Variants in BCOR observed in about 807,000 individuals in gnomAD.
The protein encoded by BCOR is BCL-6 corepressor.
A neutral mutation model predicts 86.7 loss-of-function variants in BCOR; 10 were observed. That is an observed-to-expected ratio of 0.12 (90% CI 0.07 to 0.20). The LOEUF is 0.20. BCOR is among the 10% of genes least tolerant of loss of function. The pLI is 1.00. For synonymous variants in BCOR, 611 were observed against 609.0 expected (o/e 1.00, Z -0.05); for missense variants, 1,259 against 1,452.1 (o/e 0.87, Z 2.16).
chrX:40,109,279 C>T (rs1247330948), intron 1 of BCOR, among the ~76,000 whole-genome samples: 4 of 111,574 alleles, frequency 3.6e-5, no homozygotes, highest in African/African-American at 1.3e-4. Flanking sequence ...ACCCCCACCC[C>T]CGCGCGCTCC....
chrX:40,096,468 C>T (rs889660132), intron 1 of BCOR, among the ~76,000 whole-genome samples: 6 of 111,307 alleles, frequency 5.4e-5, no homozygotes, highest in African/African-American at 2.0e-4. Flanking sequence ...ACCTGGCTGG[C>T]GGGCGGGCCA....
chrX:40,105,581 T>G (rs981336492), intron 1 of BCOR, among the ~76,000 whole-genome samples: 4 of 111,796 alleles, frequency 3.6e-5, no homozygotes, highest in Non-Finnish European at 7.6e-5. Flanking sequence ...CGCTCGCAGC[T>G]CCGCAGCTGG....
intron 1 of BCOR, among the ~76,000 whole-genome samples, chrX:40,091,599 G>A (rs771099306): frequency 4.9e-4 from 55 of 113,159 alleles, no homozygotes; most frequent in Non-Finnish European, 9.7e-4. Context: ...CCAACAAAAA[G>A]TAAGATATCC....
At chrX:40,125,360 A>G (rs752388122) in intron 1 of BCOR, among the ~76,000 whole-genome samples, 3 of 111,777 alleles carry the variant, frequency 2.7e-5, no homozygotes, top group South Asian at 7.4e-4. Flanking sequence ...CAGCCTCCCT[A>G]GTAGCTGGGA....
intron 1 of BCOR, among the ~76,000 whole-genome samples, chrX:40,093,202 C>A (rs1936697104): frequency 8.9e-6 from 1 of 112,091 alleles, no homozygotes; most frequent in Non-Finnish European, 1.9e-5. Context: ...ATCTCTTGTT[C>A]CATTTGGGCA....
intron 6 of BCOR, among the ~76,000 whole-genome samples, chrX:40,065,527 C>T (rs1935156741): frequency 8.9e-6 from 1 of 112,390 alleles, no homozygotes; most frequent in Non-Finnish European, 1.9e-5. Context: ...CCGCTCGTTC[C>T]AGGAACCCTG....
rs1349251928 is a variant in BCOR, at chrX:40,062,785, T to C, written c.4134A>G (p.Pro1378=). The change falls in exon 9 of 15, where the codon CCA becomes CCG. Residue 1378 remains proline, a synonymous_variant. Transcript: ENST00000378444. ...TCTCCACGTAGTATTCCCCTGTCAG[T>C]GGCAATCCCCGCCTGGACTCCTGAG... ...LIPQESRRGL[P]LTGEYYVENA... 2 of 1,211,587 alleles carry C rather than the reference T, an allele frequency of 1.7e-6. No homozygotes were observed. The highest frequency in any genetic ancestry group is 2.2e-5 in the Admixed American group (1 of 46,057).
chrX:40,076,923 A>G (rs1348460676), intron 2 of BCOR: 2 of 328,510 alleles, frequency 6.1e-6, no homozygotes, highest in South Asian at 5.3e-5. Context: ...GTGGTAACAC[A>G]GCCAAATACC....
chrX:40,070,629 T>G (rs1472089418), intron 6 of BCOR, among the ~76,000 whole-genome samples: 5 of 111,730 alleles, frequency 4.5e-5, no homozygotes, highest in African/African-American at 9.8e-5. Context: ...ATAAGGACTC[T>G]TCATTCCACA....
intron 6 of BCOR, among the ~76,000 whole-genome samples, chrX:40,069,016 C>T (rs1237928782): frequency 8.9e-6 from 1 of 112,620 alleles, no homozygotes; most frequent in Non-Finnish European, 1.9e-5. Context: ...AAATCCCCAC[C>T]CCAGTTTCCA....
intron 1 of BCOR, among the ~76,000 whole-genome samples, chrX:40,114,646 C>T (rs1036083369): frequency 7.2e-5 from 8 of 111,202 alleles, no homozygotes; most frequent in Admixed American, 2.9e-4. Context: ...GAATTCCATG[C>T]CATTTGACCT....
At chrX:40,088,375 G>A (rs1936452895) in intron 1 of BCOR, among the ~76,000 whole-genome samples, 2 of 112,593 alleles carry the variant, frequency 1.8e-5, no homozygotes, top group African/African-American at 6.5e-5. Context: ...TGTCAGCAAA[G>A]GCTGTAAGGC....
chrX:40,132,210 TG>T (rs368653986), intron 1 of BCOR, among the ~76,000 whole-genome samples: 122 of 112,303 alleles, frequency 1.1e-3, no homozygotes, highest in African/African-American at 3.8e-3. Flanking sequence ...TTCCGATGGC[TG>T]CAGCCCCTGT....
At chrX:40,095,373 G>C (rs995577361) in intron 1 of BCOR, among the ~76,000 whole-genome samples, 7 of 111,368 alleles carry the variant, frequency 6.3e-5, no homozygotes, top group Non-Finnish European at 1.3e-4. Context: ...CGTAAGGATT[G>C]ATTTCGGCCC....
At chrX:40,129,014 T>G (rs969489762) in intron 1 of BCOR, among the ~76,000 whole-genome samples, 1 of 112,047 alleles carries the variant, frequency 8.9e-6, no homozygotes, top group African/African-American at 3.2e-5. Flanking sequence ...TAGTCACAAC[T>G]AAATGACCCT....
chrX:40,080,948 C>T (rs1302708883), intron 1 of BCOR, among the ~76,000 whole-genome samples: 4 of 92,149 alleles, frequency 4.3e-5, no homozygotes, highest in Non-Finnish European at 6.4e-5. Context: ...TGTGGACTTA[C>T]GCACACACGT....
At chrX:40,105,898 G>A (rs73621146) in intron 1 of BCOR, among the ~76,000 whole-genome samples, 1,439 of 112,606 alleles carry the variant, frequency 0.013, 29 homozygotes, top group African/African-American at 0.044. Flanking sequence ...TCATAAAACA[G>A]ATGGGGCAAA....
chrX:40,118,957 C>T (rs970953842), intron 1 of BCOR, among the ~76,000 whole-genome samples: 7 of 112,297 alleles, frequency 6.2e-5, no homozygotes, highest in South Asian at 3.6e-4. Context: ...CTCAGCCTCC[C>T]GAGTAGCTGG....
At chrX:40,059,485 C>A (rs1460329892) in intron 10 of BCOR, among the ~76,000 whole-genome samples, 1 of 112,381 alleles carries the variant, frequency 8.9e-6, no homozygotes, top group African/African-American at 3.2e-5. Flanking sequence ...ATCCCTTGCA[C>A]CTTTTCTGTT....
Sources: gnomAD v4.1 joint callset for allele counts (sites outside exome capture counted in the v4.1 genomes callset) on GRCh38, gnomAD v4.1.1 for gene constraint, MANE v1.5 for transcripts, NCBI Gene and HGNC (gene_info 2026-07-23, HGNC 2026-07-21) for gene names.